Variants in SYT1 observed in about 807,000 individuals in gnomAD.
SYT1 encodes the protein synaptotagmin-1.
SYT1 carries 8 observed loss-of-function variants against 44.8 expected under a neutral mutation model. The observed-to-expected ratio is 0.18, with a 90% CI of 0.10 to 0.32. SYT1 has a LOEUF of 0.32. Among genes scored for constraint, SYT1 ranks in the 10% least tolerant of loss-of-function variants. The pLI, the probability that SYT1 is intolerant of heterozygous loss-of-function variation, is 1.00. For synonymous variants in SYT1, 154 were observed against 188.8 expected (o/e 0.82, Z 1.51); for missense variants, 286 against 509.3 (o/e 0.56, Z 4.22).
intron 8 of SYT1, among the ~76,000 whole-genome samples, chr12:79,336,261 T>C (rs1439733345): frequency 6.6e-6 from 1 of 152,170 alleles, no homozygotes; most frequent in African/African-American, 2.4e-5. Context: ...GCAACAGCTC[T>C]CATCCATTAT....
chr12:78,956,339 C>T (rs1039860897), intron 1 of SYT1, among the ~76,000 whole-genome samples: 3 of 152,024 alleles, frequency 2.0e-5, no homozygotes, highest in Non-Finnish European at 2.9e-5. Flanking sequence ...CCTAGCTCTT[C>T]TCCTTTTTTT....
chr12:79,024,060 G>A lies in SYT1; in HGVS notation c.-83-23237G>A, dbSNP rs112622601. Among the ~76,000 whole-genome samples, 492 of 151,794 alleles carry A rather than the reference G, an allele frequency of 3.2e-3. 4 individuals carry two copies. Among genetic ancestry groups the A allele is most frequent in the Middle Eastern group, 0.01 (3 of 294 alleles). ...GGAAGAGCATCCTAACCTCACGGAG[G>A]GAGAGAACTGCTGTTTTCCCAAAGG... On this transcript the variant is annotated intron_variant, in intron 2 of 10. Transcript: ENST00000261205.
chr12:79,216,877 T>G (rs889522904), intron 3 of SYT1, among the ~76,000 whole-genome samples: 1 of 152,132 alleles, frequency 6.6e-6, no homozygotes, highest in Admixed American at 6.5e-5. Context: ...GCAAGACAAG[T>G]AAATTATTGA....
intron 9 of SYT1, among the ~76,000 whole-genome samples, chr12:79,435,066 T>C (rs1261169139): frequency 1.3e-5 from 2 of 152,288 alleles, no homozygotes; most frequent in African/African-American, 2.4e-5. Flanking sequence ...CCAATCAGAA[T>C]ACACTTAGGA....
At chr12:79,029,240 C>T (rs1315985695) in intron 2 of SYT1, among the ~76,000 whole-genome samples, 1 of 150,738 alleles carries the variant, frequency 6.6e-6, no homozygotes, top group Non-Finnish European at 1.5e-5. Context: ...TTGCAGATTG[C>T]ACTGAAAAGA....
Position 79,217,649 on chromosome 12 carries a change from AAGG to A in SYT1, c.133_135del (p.Glu45del). 6.2e-7 allele frequency: 1 copy of A among 1,613,076 alleles called. No individual in the cohort carries two copies. Among genetic ancestry groups the A allele is most frequent in the Non-Finnish European group, 8.5e-7 (1 of 1,179,536 alleles). ...AAAGGAAGATGCATTTTCTAAGCTG[AAGG>A]AGAAGTTTATGAATGAGTTGCATAA... is the stretch of plus-strand genomic sequence containing the variant. On this transcript the variant is annotated inframe_deletion, in exon 4 of 11. Transcript: ENST00000261205.
At chr12:79,394,130 G>C (rs1884777655) in intron 9 of SYT1, among the ~76,000 whole-genome samples, 1 of 152,182 alleles carries the variant, frequency 6.6e-6, no homozygotes, top group South Asian at 2.1e-4. Flanking sequence ...CTGCTCTAAT[G>C]CTTTGGCATC....
intron 9 of SYT1, among the ~76,000 whole-genome samples, chr12:79,378,975 G>A (rs930218005): frequency 6.6e-6 from 1 of 152,160 alleles, no homozygotes; most frequent in Non-Finnish European, 1.5e-5. Context: ...GTACATGTTT[G>A]AAAACAGACT....
intron 9 of SYT1, among the ~76,000 whole-genome samples, chr12:79,409,415 A>G (rs1868339945): frequency 6.6e-6 from 1 of 152,122 alleles, no homozygotes; most frequent in Non-Finnish European, 1.5e-5. Flanking sequence ...GTATTATGGT[A>G]GAGGATTTAT....
intron 1 of SYT1, among the ~76,000 whole-genome samples, chr12:78,918,863 G>A (rs1391991779): frequency 6.6e-6 from 1 of 151,984 alleles, no homozygotes; most frequent in Non-Finnish European, 1.5e-5. Flanking sequence ...AGATCTTCAG[G>A]AGAAATGTTT....
At chr12:79,030,065 A>G (rs949787991) in intron 2 of SYT1, among the ~76,000 whole-genome samples, 3 of 151,160 alleles carry the variant, frequency 2.0e-5, no homozygotes, top group Non-Finnish European at 3.0e-5. Context: ...CTATGAAAGA[A>G]GCAAAAATTC....
intron 10 of SYT1, among the ~76,000 whole-genome samples, chr12:79,445,399 A>G (rs1192860223): frequency 1.3e-5 from 2 of 152,108 alleles, no homozygotes; most frequent in African/African-American, 2.4e-5. Context: ...ACAGAACACT[A>G]GAATTCATTC....
chr12:79,308,595 A>AAAG (rs1295371371), intron 8 of SYT1, among the ~76,000 whole-genome samples: 1 of 84,500 alleles, frequency 1.2e-5, no homozygotes, highest in African/African-American at 4.7e-5. Context: ...AAGAAAGAAG[A>AAAG]AAGAAAGAAA....
intron 1 of SYT1, among the ~76,000 whole-genome samples, chr12:78,974,226 T>C (rs1252347454): frequency 6.6e-6 from 1 of 150,976 alleles, no homozygotes; most frequent in East Asian, 1.9e-4. Flanking sequence ...TGAAACATAG[T>C]ACAGTAAAAA....
At position 78,935,303 on chromosome 12, in the gene SYT1, CGTT is replaced by C. The variant is rs538909406; in HGVS notation, c.-216-42492_-216-42490del. Among the ~76,000 whole-genome samples, 70 of 152,220 alleles carry C rather than the reference CGTT, an allele frequency of 4.6e-4. 2 individuals carry two copies. The South Asian group carries it at 0.013, about 29-fold the overall frequency. ...GTTCTGAGAGGTTAGTTCTGGGTCT[CGTT>C]GTTTCAATTAATCATTTATTCAATT... On this transcript the variant is annotated intron_variant, in intron 1 of 10. Coordinates refer to ENST00000261205, the MANE Select transcript of SYT1 (RefSeq NM_005639.3).
intron 3 of SYT1, among the ~76,000 whole-genome samples, chr12:79,159,922 T>C (rs1323123594): frequency 1.3e-5 from 2 of 152,116 alleles, no homozygotes; most frequent in Non-Finnish European, 2.9e-5. Context: ...TAGGCAAAAG[T>C]AGAATTGATC....
In SYT1 at chr12:79,449,012, C is replaced by T. The variant is rs752731207; in HGVS notation, c.1157C>T (p.Ala386Val). 10 of 1,614,084 alleles carry T rather than the reference C, an allele frequency of 6.2e-6. No individual in the cohort carries two copies. Among genetic ancestry groups the T allele is most frequent in the African/African-American group, 2.7e-5 (2 of 74,944 alleles). ...KVFVGYNSTG[A>V]ELRHWSDMLA... is the part of the protein sequence containing the mutation. ...TTTGTGGGCTACAACAGCACCGGCGCGGAGCTGCGACACTGGTCAGACATG... is the reference window on the plus strand; with the variant it reads ...TTTGTGGGCTACAACAGCACCGGCGTGGAGCTGCGACACTGGTCAGACATG... The change falls in exon 11 of 11, where the codon GCG becomes GTG. Residue 386 changes from alanine (A) to valine (V), a missense_variant. By Grantham distance (64) the Ala-to-Val change is moderately conservative. Coordinates refer to ENST00000261205, the MANE Select transcript of SYT1 (RefSeq NM_005639.3).
chr12:79,293,901 T>C (rs1162003459), intron 6 of SYT1, among the ~76,000 whole-genome samples: 5 of 152,206 alleles, frequency 3.3e-5, no homozygotes, highest in Non-Finnish European at 5.9e-5. Context: ...CTGATATTTG[T>C]GGTCATTTCT....
At chr12:79,023,253 T>C (rs750466228) in intron 2 of SYT1, among the ~76,000 whole-genome samples, 3 of 151,874 alleles carry the variant, frequency 2.0e-5, no homozygotes, top group Non-Finnish European at 4.4e-5. Flanking sequence ...GCCAGGTTTT[T>C]GGAAATTAAA....
Sources: gnomAD v4.1 joint callset for allele counts (sites outside exome capture counted in the v4.1 genomes callset) on GRCh38, gnomAD v4.1.1 for gene constraint, MANE v1.5 for transcripts, NCBI Gene and HGNC (gene_info 2026-07-23, HGNC 2026-07-21) for gene names.